LIPK: variants seen among roughly 807,000 people sequenced by gnomAD.
The protein encoded by LIPK is lipase member K.
A neutral mutation model predicts 48.6 loss-of-function variants in LIPK; 32 were observed. That is an observed-to-expected ratio of 0.66 (90% CI 0.50 to 0.88). The LOEUF (loss-of-function observed/expected upper bound fraction) is 0.88. Among genes scored for constraint, LIPK ranks in the 40% least tolerant of loss-of-function variants. The probability of loss-of-function intolerance (pLI) is 0.00; values close to 1 mark genes in which losing one functional copy is unlikely to be tolerated. For synonymous variants in LIPK, 164 were observed against 157.4 expected, an observed-to-expected ratio of 1.04 and a Z score of -0.32; for missense variants, 507 against 478.5, an observed-to-expected ratio of 1.06 and a Z score of -0.56.
rs779082144 is a variant in LIPK at position 88,743,220 on chromosome 10, T to C, written c.889-30T>C. 8.1e-6 allele frequency: 12 copies of C among 1,477,574 alleles called. No individual in the cohort carries two copies. The East Asian group carries it at 2.7e-4, about 33-fold the overall frequency. 91.5% of individuals were successfully genotyped at this position (1,477,574 alleles called of 1,614,324 possible). ...TCTTTAAATGTACACTATTTTCTTA[T>C]ATTATTTTAACGTGCTTATTTTATT... is the stretch of plus-strand genomic sequence containing the variant. On this transcript the variant is annotated intron_variant, in intron 8 of 9. Transcript: ENST00000404190.
chr10:88,717,021 T>C (rs1333366682), intron 1 of LIPK, among the ~76,000 whole-genome samples: 1 of 152,106 alleles, frequency 6.6e-6, no homozygotes, highest in East Asian at 1.9e-4. Context: ...CCAGTGCATG[T>C]AGCTAGCAAA....
At position 88,727,015 on chromosome 10, in the gene LIPK, T is replaced by C. The variant is rs532110960; in HGVS notation, c.223+103T>C. 1.2e-4 allele frequency: 84 copies of C among 709,152 alleles called. No homozygotes were observed. In the East Asian group the frequency reaches 2.2e-3, roughly 18 times the overall value. The allele number at this position is 709,152 out of a possible 1,614,324, so 43.9% of individuals were successfully genotyped here. On this transcript the variant is annotated intron_variant, in intron 3 of 9. Transcript: ENST00000404190. Reference sequence around the variant, plus strand: ...TTTGTTCTGAAATTCTTAACAGTCCTTTCCATTAAAGGAGAAAAATTATCG... The same window carrying C: ...TTTGTTCTGAAATTCTTAACAGTCCCTTCCATTAAAGGAGAAAAATTATCG...
intron 1 of LIPK, 79 bp from the exon 2 acceptor site, chr10:88,724,454 G>A (rs1842292729): frequency 5.2e-6 from 4 of 775,540 alleles, no homozygotes; most frequent in South Asian, 4.8e-5. Context: ...TCTCATAGCA[G>A]TGTTATAAAA....
chr10:88,748,699 A>G (rs546784186), intron 9 of LIPK, among the ~76,000 whole-genome samples: 1 of 152,300 alleles, frequency 6.6e-6, no homozygotes, highest in African/African-American at 2.4e-5. Context: ...TGAATAGGCA[A>G]AAGCTTGAAG....
At chr10:88,737,991 A>T (rs894914059) in intron 7 of LIPK, among the ~76,000 whole-genome samples, 1 of 152,232 alleles carries the variant, frequency 6.6e-6, no homozygotes, top group African/African-American at 2.4e-5. Context: ...AACAATTCTC[A>T]TCTCTTCTTA....
At chr10:88,729,256 G>GT (rs1554955636) in intron 3 of LIPK, among the ~76,000 whole-genome samples, 2 of 112,150 alleles carry the variant, frequency 1.8e-5, no homozygotes, top group African/African-American at 3.3e-5. Context: ...ATCTGTTGGG[G>GT]GGGGGGGGCG....
intron 9 of LIPK, among the ~76,000 whole-genome samples, chr10:88,745,380 G>C (rs148490142): frequency 6.6e-6 from 1 of 152,246 alleles, no homozygotes; most frequent in South Asian, 2.1e-4. Flanking sequence ...GGCAGCTAGA[G>C]AGAAGGGGCA....
intron 1 of LIPK, among the ~76,000 whole-genome samples, chr10:88,707,540 T>C (rs571068567): frequency 1.3e-5 from 2 of 152,248 alleles, no homozygotes; most frequent in South Asian, 4.1e-4. Context: ...TAAATGTTTG[T>C]TATTCATTTT....
intron 1 of LIPK, among the ~76,000 whole-genome samples, chr10:88,716,356 C>CTTTTTTT (rs11374780): frequency 1.7e-4 from 20 of 120,298 alleles, no homozygotes; most frequent in Non-Finnish European, 2.8e-4. Flanking sequence ...AGGAAAATTT[C>CTTTTTTT]TTTTTTTTTT....
chr10:88,732,415 C>CT lies in LIPK; in HGVS notation c.537dup (p.Ile180TyrfsTer11), dbSNP rs561592330. The CT allele has an allele frequency of 7.8e-5, 126 of 1,605,850 alleles. No individual in the cohort carries two copies. Among genetic ancestry groups the CT allele is most frequent in the Non-Finnish European group, 1.0e-4 (119 of 1,177,972 alleles). On this transcript the variant is annotated frameshift_variant and splice_region_variant, in exon 6 of 10. Transcript: ENST00000404190. LOFTEE classifies it high-confidence loss of function. Reference sequence around the variant, plus strand: ...GAACTACTGTCTTCTTCCATTTCAGCTTTTATAGCATTTTCTACAAACCCA... The same window carrying CT: ...GAACTACTGTCTTCTTCCATTTCAGCTTTTTATAGCATTTTCTACAAACCCA...
At chr10:88,739,851 A>T (rs403572) in intron 7 of LIPK, 145 bp from the exon 8 acceptor site, 101,012 of 453,270 alleles carry the variant, frequency 0.22, 12,203 homozygotes, top group East Asian at 0.38. Flanking sequence ...CGAGACTCCA[A>T]CTCAAAAATA....
chr10:88,727,959 C>T (rs1842378392), intron 3 of LIPK: 1 of 355,770 alleles, frequency 2.8e-6, no homozygotes, highest in East Asian at 7.1e-5. Flanking sequence ...GCATCAACAA[C>T]TTTCTGCGGC....
intron 8 of LIPK, among the ~76,000 whole-genome samples, chr10:88,742,435 T>A (rs1263983493): frequency 6.6e-6 from 1 of 152,226 alleles, no homozygotes; most frequent in Non-Finnish European, 1.5e-5. Flanking sequence ...TATCTGAGAT[T>A]CAAGCTAAGA....
chr10:88,707,824 G>T (rs1403517746), intron 1 of LIPK, among the ~76,000 whole-genome samples: 4 of 152,104 alleles, frequency 2.6e-5, no homozygotes, highest in African/African-American at 9.7e-5. Context: ...CACCCTGTGG[G>T]TGGGGGAAAA....
At chr10:88,717,227 T>C (rs1269764348) in intron 1 of LIPK, among the ~76,000 whole-genome samples, 1 of 152,188 alleles carries the variant, frequency 6.6e-6, no homozygotes, top group Non-Finnish European at 1.5e-5. Flanking sequence ...CTTTGGAATG[T>C]CTCTCTGCTC....
intron 1 of LIPK, among the ~76,000 whole-genome samples, chr10:88,707,591 C>T (rs1441575865): frequency 1.3e-5 from 2 of 152,056 alleles, no homozygotes; most frequent in Non-Finnish European, 2.9e-5. Flanking sequence ...TCCCAAGACT[C>T]TTGTTCTTTT....
chr10:88,715,351 A>ATGAAT (rs1238466393), intron 1 of LIPK, among the ~76,000 whole-genome samples: 2 of 152,228 alleles, frequency 1.3e-5, no homozygotes, highest in East Asian at 3.9e-4. Context: ...TATCTTCCTG[A>ATGAAT]TGAATTGACT....
chr10:88,714,511 T>C (rs1216147626), intron 1 of LIPK, among the ~76,000 whole-genome samples: 8 of 152,190 alleles, frequency 5.3e-5, no homozygotes, highest in Non-Finnish European at 1.2e-4. Flanking sequence ...AATGAAACTA[T>C]GTGGATCTGT....
intron 6 of LIPK, among the ~76,000 whole-genome samples, chr10:88,734,404 T>A (rs1279091340): frequency 2.6e-5 from 4 of 152,268 alleles, no homozygotes; most frequent in Middle Eastern, 3.4e-3. Flanking sequence ...TACTGGAGAT[T>A]TATATTAGTA....
Sources: gnomAD v4.1 joint callset for allele counts (sites outside exome capture counted in the v4.1 genomes callset) on GRCh38, gnomAD v4.1.1 for gene constraint, MANE v1.5 for transcripts, NCBI Gene and HGNC (gene_info 2026-07-23, HGNC 2026-07-21) for gene names.